Variants in SMARCA4 observed in about 807,000 individuals in gnomAD.
SMARCA4 encodes the protein SWI/SNF related BAF chromatin remodeling complex subunit ATPase 4, also known as SWI/SNF-related matrix-associated actin-dependent regulator of chromatin subfamily A member 4.
A neutral mutation model predicts 193.9 loss-of-function variants in SMARCA4; 31 were observed. That is an observed-to-expected ratio of 0.16 (90% CI 0.12 to 0.22). SMARCA4 has a LOEUF of 0.22. Among genes scored for constraint, SMARCA4 ranks in the 10% least tolerant of loss-of-function variants. SMARCA4 has a pLI of 1.00. For synonymous variants in SMARCA4, 942 were observed against 933.1 expected (o/e 1.01, Z -0.17); for missense variants, 1,148 against 2,296.0 (o/e 0.50, Z 10.22).
chr19:10,961,216 G>A (rs892849471), intron 1 of SMARCA4, 42 bp downstream of exon 1: 5 of 149,388 alleles, frequency 3.3e-5, no homozygotes, highest in African/African-American at 1.2e-4. Context: ...CGCGGGGCCG[G>A]GGAGGGCGGT....
chr19:11,027,409 G>A (rs2090340518), intron 23 of SMARCA4, among the ~76,000 whole-genome samples: 1 of 152,130 alleles, frequency 6.6e-6, no homozygotes. Context: ...CTCCAGTGTG[G>A]CATTTGCTCC....
chr19:11,015,765 G>C (rs1455930623), intron 16 of SMARCA4, among the ~76,000 whole-genome samples: 2 of 152,126 alleles, frequency 1.3e-5, no homozygotes, highest in Non-Finnish European at 2.9e-5. Flanking sequence ...CCAGCACTTT[G>C]GGAGGCCGAG....
chr19:11,027,854 A>G lies in SMARCA4; in HGVS notation c.3286A>G (p.Asn1096Asp). ...DRILPKLRAT[N>D]HKVLLFCQMT... ...AATTCTTCCCAAACTCCGAGCAACCAACCACAAAGTGCTGCTGTTCTGCCA... is the reference window on the plus strand; with the variant it reads ...AATTCTTCCCAAACTCCGAGCAACCGACCACAAAGTGCTGCTGTTCTGCCA... The change falls in exon 24 of 35, where the codon AAC (asparagine) becomes GAC (aspartate). Residue 1096 changes from asparagine (N) to aspartate (D), a missense_variant. Coordinates refer to ENST00000344626, the MANE Select transcript of SMARCA4 (RefSeq NM_003072.5). The G allele has an allele frequency of 6.2e-7, 1 of 1,614,164 alleles. No individual in the cohort carries two copies.
Position 10,996,359 on chromosome 19 carries a change from A to G in SMARCA4, c.1740A>G (p.Lys580=), listed in dbSNP as rs114391904. The stretch of plus-strand genomic sequence containing the variant: ...AGGCTGCCCAGGTCGCCAAGGAGAA[A>G]AAGAAGAAAAAGAAAAAGAAGGTGT... ...QHKAAQVAKE[K]KKKKKKKKAE... The change falls in exon 10 of 35, where the codon AAA becomes AAG. Residue 580 remains lysine, a synonymous_variant. Transcript: ENST00000344626. The G allele has an allele frequency of 4.9e-4, 786 of 1,614,242 alleles. 3 individuals carry two copies. The African/African-American group carries it at 9.9e-3, about 20-fold the overall frequency.
intron 16 of SMARCA4, among the ~76,000 whole-genome samples, chr19:11,017,924 GT>G (rs760125080): frequency 1.3e-5 from 2 of 151,628 alleles, no homozygotes; most frequent in Non-Finnish European, 2.9e-5. Context: ...GCAGGAAAGA[GT>G]TCTAGGAGAG....
At position 11,033,654 on chromosome 19, in the gene SMARCA4, C is replaced by T. The variant is rs1156642394; in HGVS notation, c.3775-113C>T. The T allele has an allele frequency of 1.3e-6, 1 of 781,898 alleles. No individual in the cohort carries two copies. The highest frequency in any genetic ancestry group is 2.3e-6 in the Non-Finnish European group (1 of 431,828). The allele number at this position is 781,898 out of a possible 1,614,324, so 48.4% of individuals were successfully genotyped here. A position where few individuals can be genotyped will look rare whatever the true frequency, so the allele number is the denominator to read the frequency against. On this transcript the variant is annotated intron_variant, in intron 26 of 34. Coordinates refer to ENST00000344626, the MANE Select transcript of SMARCA4 (RefSeq NM_003072.5). This position sits in a 1 kb window ranked among gnomAD's most constrained non-coding sequence, Gnocchi z 9.8. ...TGGAGTAAAGGGAGTGTGGGCTGAACGGAAAGAGGATGAGTACTTGCTTTT... is the reference window on the plus strand; with the variant it reads ...TGGAGTAAAGGGAGTGTGGGCTGAATGGAAAGAGGATGAGTACTTGCTTTT...
At chr19:11,021,154 C>A in intron 18 of SMARCA4, 1 of 197,902 alleles carries the variant, frequency 5.1e-6, no homozygotes, top group Middle Eastern at 2.5e-3. Context: ...AAACCCCGTG[C>A]TCCCCTGCCA....
At position 10,996,340 on chromosome 19, in the gene SMARCA4, C is replaced by G. The variant is rs2145973200; in HGVS notation, c.1721C>G (p.Ala574Gly). The change falls in exon 10 of 35, where the codon GCC becomes GGC. Residue 574 changes from alanine to glycine, a missense_variant. Ala to Gly is a moderately conservative substitution (Grantham distance 60). Coordinates refer to ENST00000344626, the MANE Select transcript of SMARCA4 (RefSeq NM_003072.5). ...GAGCTGGTGCGGCAGCACAAGGCTG[C>G]CCAGGTCGCCAAGGAGAAAAAGAAG... ...LTELVRQHKA[A>G]QVAKEKKKKK... 6.2e-7 allele frequency: 1 copy of G among 1,614,200 alleles called. No homozygotes were observed. Among genetic ancestry groups the G allele is most frequent in the Middle Eastern group, 1.6e-4 (1 of 6,062 alleles).
intron 23 of SMARCA4, among the ~76,000 whole-genome samples, chr19:11,027,330 G>C (rs1221809649): frequency 1.3e-5 from 2 of 152,160 alleles, no homozygotes; most frequent in Non-Finnish European, 2.9e-5. Flanking sequence ...ACAACACTTG[G>C]GGTTTGGCTG....
intron 13 of SMARCA4, among the ~76,000 whole-genome samples, chr19:11,006,200 T>G (rs752710031): frequency 3.7e-4 from 56 of 152,360 alleles, no homozygotes; most frequent in Middle Eastern, 3.4e-3. Flanking sequence ...TTGTAGGATT[T>G]AAATGGCAAT....
intron 16 of SMARCA4, chr19:11,016,011 CA>C (rs576632258): frequency 1.7e-4 from 24 of 143,596 alleles, no homozygotes; most frequent in Admixed American, 2.8e-4. Context: ...AACGCCTTCT[CA>C]AAAAAAAAAA....
intron 18 of SMARCA4, among the ~76,000 whole-genome samples, chr19:11,020,054 C>T (rs2089721891): frequency 6.6e-6 from 1 of 152,192 alleles, no homozygotes; most frequent in Non-Finnish European, 1.5e-5. Context: ...GTCCTCCTGT[C>T]TCATTGCCTT....
intron 1 of SMARCA4, among the ~76,000 whole-genome samples, chr19:10,974,437 G>A (rs1213801819): frequency 6.8e-6 from 1 of 147,904 alleles, no homozygotes; most frequent in Non-Finnish European, 1.5e-5. Flanking sequence ...TTTATTTCAT[G>A]GGTATTCTGA....
In SMARCA4 at chr19:11,033,463, C is replaced by T. The variant is rs1600390508; in HGVS notation, c.3720C>T (p.Ser1240=). The change falls in exon 26 of 35, where the codon AGC becomes AGT. Residue 1240 remains serine (S), a synonymous_variant. Transcript: ENST00000344626. The surrounding 1 kb of genome is among the most constrained non-coding windows in gnomAD (Gnocchi z 9.8). ...QAGMFDQKSS[S]HERRAFLQAI... Reference sequence around the variant, plus strand: ...GCATGTTCGACCAGAAGTCCTCCAGCCATGAGCGGCGCGCCTTCCTGCAGG... The same window carrying T: ...GCATGTTCGACCAGAAGTCCTCCAGTCATGAGCGGCGCGCCTTCCTGCAGG... The T allele has an allele frequency of 6.2e-7, 1 of 1,613,386 alleles. No individual in the cohort carries two copies. The highest frequency in any genetic ancestry group is 8.5e-7 in the Non-Finnish European group (1 of 1,179,984).
intron 1 of SMARCA4, among the ~76,000 whole-genome samples, chr19:10,969,715 C>T (rs889137023): frequency 1.3e-5 from 2 of 152,196 alleles, no homozygotes; most frequent in Non-Finnish European, 2.9e-5. Flanking sequence ...CAGGCATGAG[C>T]CACTGCACCT....
intron 21 of SMARCA4, 109 bp downstream of exon 21, chr19:11,024,547 T>A (rs1416145287): frequency 5.3e-6 from 4 of 751,284 alleles, no homozygotes; most frequent in Non-Finnish European, 9.4e-6. Context: ...CTGGTCATGA[T>A]CCCCAGGGCA....
At chr19:10,977,321 T>C (rs2085219631) in intron 1 of SMARCA4, among the ~76,000 whole-genome samples, 1 of 151,926 alleles carries the variant, frequency 6.6e-6, no homozygotes, top group Non-Finnish European at 1.5e-5. Flanking sequence ...AGTTTTTTTT[T>C]GTTTTGTTTT....
At chr19:10,974,783 C>T (rs1251334931) in intron 1 of SMARCA4, among the ~76,000 whole-genome samples, 6 of 134,106 alleles carry the variant, frequency 4.5e-5, no homozygotes, top group Non-Finnish European at 6.2e-5. Flanking sequence ...CTTGGCTCAC[C>T]GCAACCTCTG....
At chr19:10,995,474 A>G (rs2086947384) in intron 9 of SMARCA4, 1 of 457,258 alleles carries the variant, frequency 2.2e-6, no homozygotes, top group African/African-American at 2.0e-5. Flanking sequence ...CGAATGAAGC[A>G]AACAGAGTAG....
Sources: gnomAD v4.1 joint callset for allele counts (sites outside exome capture counted in the v4.1 genomes callset) on GRCh38, gnomAD v4.1.1 for gene constraint, Gnocchi (gnomAD v3.1) non-coding constraint, MANE v1.5 for transcripts, NCBI Gene and HGNC (gene_info 2026-07-23, HGNC 2026-07-21) for gene names.